KIF3C: variants seen among roughly 807,000 people sequenced by gnomAD.
The protein encoded by KIF3C is kinesin family member 3C.
KIF3C carries 12 observed loss-of-function variants against 67.7 expected under a neutral mutation model. The ratio of observed to expected loss-of-function variants is 0.18; its 90% CI spans 0.11 to 0.29. The LOEUF (loss-of-function observed/expected upper bound fraction) is 0.29, where lower values mean the gene tolerates loss of function less well. Ranked by LOEUF, KIF3C falls within the 10% of genes least tolerant of loss-of-function variation. KIF3C has a pLI of 1.00. For missense variants in KIF3C, 789 were observed against 1,059.6 expected, an observed-to-expected ratio of 0.74 and a Z score of 3.55; for synonymous variants, 393 against 426.2, an observed-to-expected ratio of 0.92 and a Z score of 0.96.
chr2:25,930,158 G>A (rs984237149), intron 5 of KIF3C, 95 bp from the exon 6 acceptor site: 4 of 972,160 alleles, frequency 4.1e-6, no homozygotes, highest in Non-Finnish European at 6.5e-6. Flanking sequence ...TAGCTAGGAG[G>A]CCCTGCAGAC....
chr2:25,940,504 G>C (rs1663253438), intron 5 of KIF3C, among the ~76,000 whole-genome samples: 1 of 151,214 alleles, frequency 6.6e-6, no homozygotes, highest in Non-Finnish European at 1.5e-5. Flanking sequence ...CCAGGAGTGG[G>C]GGTTGCAGTG....
At position 25,931,913 on chromosome 2, in the gene KIF3C, C is replaced by G. The variant is rs921071436; in HGVS notation, c.2007-1850G>C. Among the ~76,000 whole-genome samples the G allele has an allele frequency of 2.1e-5, 3 of 144,476 alleles. No homozygotes were observed. In the East Asian group the frequency reaches 5.9e-4, roughly 28 times the overall value. The allele number at this position is 144,476 out of a possible 152,430, so 94.8% of individuals were successfully genotyped here. A position where few individuals can be genotyped will look rare whatever the true frequency, so the allele number is the denominator to read the frequency against. The stretch of plus-strand genomic sequence containing the variant: ...CCTCCCAAAGTACTGGGATTACAGA[C>G]GTGAATCACTGCACCTGGCTGTTTT... On this transcript the variant is annotated intron_variant, in intron 5 of 7. Transcript: ENST00000264712.
chr2:25,975,496 A>T (rs958288542), intron 1 of KIF3C, among the ~76,000 whole-genome samples: 1 of 151,860 alleles, frequency 6.6e-6, no homozygotes, highest in Non-Finnish European at 1.5e-5. Flanking sequence ...ATTTTTCAGC[A>T]CCTCCTCAGG....
At chr2:25,936,437 G>T (rs1053742316) in intron 5 of KIF3C, among the ~76,000 whole-genome samples, 2 of 152,226 alleles carry the variant, frequency 1.3e-5, no homozygotes, top group South Asian at 4.1e-4. Flanking sequence ...GTGTGATTAT[G>T]GGTGATTTTT....
intron 5 of KIF3C, among the ~76,000 whole-genome samples, chr2:25,950,681 G>C (rs946453989): frequency 3.9e-5 from 6 of 152,072 alleles, no homozygotes; most frequent in Admixed American, 1.3e-4. Context: ...CTCTCTGCAG[G>C]TATTCTAGCT....
At chr2:25,946,352 C>T (rs1221666136) in intron 5 of KIF3C, among the ~76,000 whole-genome samples, 1 of 151,758 alleles carries the variant, frequency 6.6e-6, no homozygotes, top group African/African-American at 2.4e-5. Flanking sequence ...ATCAGGAGTT[C>T]GAGACCAGCC....
chr2:25,954,023 C>T (rs997741289), intron 4 of KIF3C: 10 of 494,744 alleles, frequency 2.0e-5, no homozygotes, highest in Non-Finnish European at 3.2e-5. Context: ...AGATGGTAGC[C>T]TCAGGGCCTT....
intron 5 of KIF3C, among the ~76,000 whole-genome samples, chr2:25,937,734 G>C (rs1663170887): frequency 6.6e-6 from 1 of 152,126 alleles, no homozygotes; most frequent in Non-Finnish European, 1.5e-5. Flanking sequence ...CTAGGAATCT[G>C]AATCTTCCCA....
intron 1 of KIF3C, among the ~76,000 whole-genome samples, chr2:25,971,899 T>TTTTTTTTTTTC (rs1664294590): frequency 7.3e-6 from 1 of 137,484 alleles, no homozygotes; most frequent in Admixed American, 7.5e-5. Context: ...TTTTTTTTTT[T>TTTTTTTTTTTC]ACTTTTTTGT....
At chr2:25,942,726 G>A (rs1470279317) in intron 5 of KIF3C, among the ~76,000 whole-genome samples, 1 of 152,138 alleles carries the variant, frequency 6.6e-6, no homozygotes, top group East Asian at 1.9e-4. Flanking sequence ...GTTTTTTAAA[G>A]TAACTTTAAT....
chr2:25,932,170 T>C (rs1254312863), intron 5 of KIF3C, among the ~76,000 whole-genome samples: 3 of 151,818 alleles, frequency 2.0e-5, no homozygotes, highest in Non-Finnish European at 4.4e-5. Context: ...TCCAGCTAAT[T>C]TTTGTATTTT....
In KIF3C at chr2:25,981,642, C is replaced by G. The variant is rs756035510; in HGVS notation, c.276G>C (p.Thr92=). 1 of 1,614,166 alleles carries G rather than the reference C, an allele frequency of 6.2e-7. No homozygotes were observed. The highest frequency in any genetic ancestry group is 8.5e-7 in the Non-Finnish European group (1 of 1,180,058). Residue 92 remains threonine (T), a synonymous_variant, in exon 1 of 8, where the codon ACG becomes ACC. Transcript: ENST00000264712. This position sits in a 1 kb window ranked among gnomAD's most constrained non-coding sequence, Gnocchi z 8.2. ...IDSVLQGFNG[T]VFAYGQTGTG... ...TGCCCGTCTGGCCATAGGCAAACAC[C>G]GTGCCATTGAAACCCTGGAGCACGG... is the stretch of plus-strand genomic sequence containing the variant.
At chr2:25,965,401 C>T (rs1411593253) in intron 1 of KIF3C, among the ~76,000 whole-genome samples, 1 of 152,072 alleles carries the variant, frequency 6.6e-6, no homozygotes, top group Non-Finnish European at 1.5e-5. Context: ...AGATTTTTTT[C>T]CTTTACTTTT....
At chr2:25,939,118 C>A (rs898216322) in intron 5 of KIF3C, among the ~76,000 whole-genome samples, 1 of 152,148 alleles carries the variant, frequency 6.6e-6, no homozygotes, top group Non-Finnish European at 1.5e-5. Context: ...CAGGTGACAG[C>A]CATCACATCT....
Position 25,958,971 on chromosome 2 carries a change from G to A in KIF3C, c.1546-2527C>T, listed in dbSNP as rs1337611636. Among the ~76,000 whole-genome samples, 1 of 152,120 alleles carries A rather than the reference G, an allele frequency of 6.6e-6. No homozygotes were observed. Among genetic ancestry groups the A allele is most frequent in the Admixed American group, 6.5e-5 (1 of 15,280 alleles). Reference sequence around the variant, plus strand: ...TGCCTGTAATCCCAGCTACTCAGGAGGCTGAGGCAGGAGAATCGCTTGAAC... The same window carrying A: ...TGCCTGTAATCCCAGCTACTCAGGAAGCTGAGGCAGGAGAATCGCTTGAAC... On this transcript the variant is annotated intron_variant, in intron 1 of 7. Transcript: ENST00000264712. The surrounding 1 kb of genome is among the most constrained non-coding windows in gnomAD (Gnocchi z 4.5).
intron 1 of KIF3C, among the ~76,000 whole-genome samples, chr2:25,965,616 A>G (rs1428150704): frequency 6.6e-6 from 1 of 151,468 alleles, no homozygotes; most frequent in Admixed American, 6.6e-5. Flanking sequence ...ACCACACCCG[A>G]CTAATTTTTT....
At chr2:25,936,653 A>C (rs570722173) in intron 5 of KIF3C, among the ~76,000 whole-genome samples, 66 of 152,224 alleles carry the variant, frequency 4.3e-4, no homozygotes, top group African/African-American at 1.4e-3. Context: ...TGGATCCAGG[A>C]ATGGAAGTGT....
intron 5 of KIF3C, among the ~76,000 whole-genome samples, chr2:25,945,106 G>A (rs1286387329): frequency 6.6e-6 from 1 of 151,524 alleles, no homozygotes; most frequent in East Asian, 1.9e-4. Context: ...ACTCCAGCTT[G>A]GGCAACAAGA....
At position 25,929,061 on chromosome 2, in the gene KIF3C, G is replaced by A; in HGVS notation, c.2299C>T (p.Pro767Ser). Residue 767 changes from proline (P) to serine (S), a missense_variant, in exon 8 of 8, where the codon CCT becomes TCT. Coordinates refer to ENST00000264712, the MANE Select transcript of KIF3C (RefSeq NM_002254.8). ...GTGGTGGAAGGTGGAGGCCGCTGAG[G>A]ACTCTGGCACCTGCAGGGGAGATGA... ...VRKSRSWCQS[P>S]QRPPPSTTHA... The A allele has an allele frequency of 6.2e-7, 1 of 1,613,722 alleles. No homozygotes were observed. The highest frequency in any genetic ancestry group is 8.5e-7 in the Non-Finnish European group (1 of 1,179,862).
Sources: allele counts gnomAD v4.1 joint callset (sites outside exome capture counted in the v4.1 genomes callset), GRCh38; gene constraint gnomAD v4.1.1; non-coding constraint Gnocchi (gnomAD v3.1); transcripts MANE v1.5; gene names NCBI Gene and HGNC (gene_info 2026-07-23, HGNC 2026-07-21).